The following EP400 variants were observed in gnomAD, a reference collection of about 807,000 sequenced individuals.
EP400 encodes E1A-binding protein p400.
Under a neutral mutation model 354.1 loss-of-function variants are expected in EP400, and 105 were observed. The ratio of observed to expected loss-of-function variants is 0.30; its 90% CI spans 0.25 to 0.35. EP400 has a LOEUF of 0.35. EP400 is among the 10% of genes least tolerant of loss of function. The probability of loss-of-function intolerance (pLI) is 1.00; values close to 1 mark genes in which losing one functional copy is unlikely to be tolerated. For missense variants in EP400, 3,280 were observed against 4,121.0 expected, an observed-to-expected ratio of 0.80 and a Z score of 5.59; for synonymous variants, 1,646 against 1,716.9, an observed-to-expected ratio of 0.96 and a Z score of 1.02.
intron 50 of EP400, chr12:132,068,593 G>C (rs1895973853): frequency 6.6e-6 from 1 of 152,392 alleles, no homozygotes; most frequent in Non-Finnish European, 1.5e-5. Flanking sequence ...GGAACCCAGA[G>C]GGAGAGGGAG....
At chr12:132,033,763 C>A (rs1279916092) in intron 30 of EP400, among the ~76,000 whole-genome samples, 2 of 152,084 alleles carry the variant, frequency 1.3e-5, no homozygotes, top group Non-Finnish European at 2.9e-5. Flanking sequence ...AACTCCTGGG[C>A]TCAAACAGTC....
chr12:131,979,820 C>A, intron 3 of EP400, 27 bp downstream of exon 3: 1 of 1,560,826 alleles, frequency 6.4e-7, no homozygotes, highest in South Asian at 1.2e-5. Context: ...AGCGTGGCCT[C>A]GGGAATGCCC....
At chr12:132,041,944 TTTTTTC>T (rs1894925532) in intron 32 of EP400, among the ~76,000 whole-genome samples, 1 of 148,832 alleles carries the variant, frequency 6.7e-6, no homozygotes, top group Admixed American at 6.6e-5. Context: ...CTATTTCTTT[TTTTTTC>T]TTTTTCTTTT....
intron 1 of EP400, among the ~76,000 whole-genome samples, chr12:131,954,308 C>T (rs1003315680): frequency 6.6e-6 from 1 of 150,592 alleles, no homozygotes; most frequent in African/African-American, 2.4e-5. Context: ...GGGGCCAGGC[C>T]AGGTGTGGTG....
intron 1 of EP400, 39 bp from the exon 2 acceptor site, chr12:131,960,546 T>G: frequency 6.7e-7 from 1 of 1,492,114 alleles, no homozygotes. Context: ...AACAGTTATG[T>G]GTGCCTTCAA....
At chr12:132,010,608 A>G (rs1410806641) in intron 15 of EP400, among the ~76,000 whole-genome samples, 1 of 152,196 alleles carries the variant, frequency 6.6e-6, no homozygotes, top group Non-Finnish European at 1.5e-5. Flanking sequence ...ATAGCACAGA[A>G]GTTGAAATTT....
At chr12:131,991,352 G>A (rs1319821288) in intron 9 of EP400, 55 bp from the exon 10 acceptor site, 20 of 1,588,182 alleles carry the variant, frequency 1.3e-5, no homozygotes, top group African/African-American at 5.4e-5. Context: ...AAGCAGAGAC[G>A]CCCTCGCCAA....
At chr12:131,952,933 G>A (rs532171047) in intron 1 of EP400, among the ~76,000 whole-genome samples, 2 of 152,186 alleles carry the variant, frequency 1.3e-5, no homozygotes, top group Non-Finnish European at 2.9e-5. Flanking sequence ...CATAGAGCTC[G>A]TTAAGAGTTC....
chr12:132,045,585 A>C, intron 38 of EP400, 25 bp downstream of exon 38: 2 of 1,612,512 alleles, frequency 1.2e-6, no homozygotes, highest in Non-Finnish European at 8.5e-7. Context: ...TCTTTGTGCC[A>C]GCGGTCATGT....
Position 132,067,318 on chromosome 12 carries a change from C to T in EP400, c.8750-44C>T, listed in dbSNP as rs1023786492. The T allele has an allele frequency of 6.3e-7, 1 of 1,596,248 alleles. No individual in the cohort carries two copies. The highest frequency in any genetic ancestry group is 8.6e-7 in the Non-Finnish European group (1 of 1,169,096). ...AACAGAGCTTGGCGTGAGCCTCAAGCTCTTTTCCCAGTGTGCTGACTAAGG... is the reference window on the plus strand; with the variant it reads ...AACAGAGCTTGGCGTGAGCCTCAAGTTCTTTTCCCAGTGTGCTGACTAAGG... On this transcript the variant is annotated intron_variant, in intron 49 of 52. Coordinates refer to ENST00000389561, the MANE Select transcript of EP400 (RefSeq NM_015409.5). This position sits in a 1 kb window ranked among gnomAD's most constrained non-coding sequence, Gnocchi z 5.3.
rs148513912 is a variant in EP400, at chr12:131,985,461, G to A, written c.1930-1053G>A. ...GCGCTCAGAGAGAGTGTGCTCTAGCGGTTCTGTCTCCCTTCAGCTTTTGAA... is the reference window on the plus strand; with the variant it reads ...GCGCTCAGAGAGAGTGTGCTCTAGCAGTTCTGTCTCCCTTCAGCTTTTGAA... On this transcript the variant is annotated intron_variant, in intron 5 of 52. Coordinates refer to ENST00000389561, the MANE Select transcript of EP400 (RefSeq NM_015409.5). Among the ~76,000 whole-genome samples the A allele has an allele frequency of 1.2e-4, 18 of 152,344 alleles. No individual in the cohort carries two copies. The East Asian group carries it at 3.5e-3, about 29-fold the overall frequency.
At chr12:132,044,639 G>A in intron 35 of EP400, 32 bp from the exon 36 acceptor site, 1 of 1,613,938 alleles carries the variant, frequency 6.2e-7, no homozygotes, top group Non-Finnish European at 8.5e-7. Context: ...CTGAGACTTG[G>A]TGGAAGTCAG....
At chr12:132,037,881 T>G in intron 31 of EP400, 72 bp from the exon 32 acceptor site, 2 of 1,612,378 alleles carry the variant, frequency 1.2e-6, no homozygotes, top group Non-Finnish European at 1.7e-6. Context: ...AGCAAGGGGC[T>G]TAGGTCTCCA....
rs747642543 is a variant in EP400, at chr12:131,991,474, AC to A, written c.2679+19del. ...GTTCTCTGGTAAGTTTGGGGTTGTT[AC>A]TGTGCTGTGTGAGAAGGAGTAGAAG... On this transcript the variant is annotated intron_variant, in intron 10 of 52. Transcript: ENST00000389561. 6.2e-7 allele frequency: 1 copy of A among 1,613,416 alleles called. No individual in the cohort carries two copies. The highest frequency in any genetic ancestry group is 8.5e-7 in the Non-Finnish European group (1 of 1,179,530).
chr12:131,990,593 C>A lies in EP400; in HGVS notation c.2551-43C>A. 7.0e-7 allele frequency: 1 copy of A among 1,426,190 alleles called. No individual in the cohort carries two copies. Among genetic ancestry groups the A allele is most frequent in the South Asian group, 1.2e-5 (1 of 83,088 alleles). 88.3% of individuals were successfully genotyped at this position (1,426,190 alleles called of 1,614,324 possible). ...TTGTATGCAGAACGTCTGTAATTCC[C>A]ATCCTTAGTAATGTGCTTATTCATT... On this transcript the variant is annotated intron_variant, in intron 8 of 52. Coordinates refer to ENST00000389561, the MANE Select transcript of EP400 (RefSeq NM_015409.5). This position sits in a 1 kb window ranked among gnomAD's most constrained non-coding sequence, Gnocchi z 4.2.
intron 12 of EP400, among the ~76,000 whole-genome samples, chr12:132,000,868 C>T (rs577097463): frequency 2.6e-5 from 4 of 152,338 alleles, no homozygotes; most frequent in Admixed American, 2.0e-4. Context: ...ATCTCTTGCT[C>T]TGTATTCAGA....
At chr12:132,008,901 T>G (rs1482923988) in intron 15 of EP400, among the ~76,000 whole-genome samples, 1 of 147,126 alleles carries the variant, frequency 6.8e-6, no homozygotes, top group Non-Finnish European at 1.5e-5. Flanking sequence ...ATTACAGGCG[T>G]GAGACACCGT....
rs375286330 is a variant in EP400 at position 131,992,671 on chromosome 12, G to T, written c.2737+441G>T. Among the ~76,000 whole-genome samples, 323 of 152,112 alleles carry T rather than the reference G, an allele frequency of 2.1e-3. 3 individuals are homozygous for T. The highest frequency in any genetic ancestry group is 7.4e-3 in the African/African-American group (307 of 41,508). ...CCTGAGCACTCAGTGTGTGAGCTGGGGACAGCCCACGGCCATGACCTATTT... is the reference window on the plus strand; with the variant it reads ...CCTGAGCACTCAGTGTGTGAGCTGGTGACAGCCCACGGCCATGACCTATTT... On this transcript the variant is annotated intron_variant, in intron 11 of 52. Transcript: ENST00000389561.
In EP400 at chr12:132,013,052, A is replaced by T; in HGVS notation, c.3485A>T (p.Tyr1162Phe). 1.2e-6 allele frequency: 2 copies of T among 1,613,890 alleles called. No homozygotes were observed. The highest frequency in any genetic ancestry group is 1.7e-6 in the Non-Finnish European group (2 of 1,180,004). ...AGCTTCCACGTCTGCATCACGTCCTACACTCAGTTCTTCCGGGGCCTCACC... is the reference window on the plus strand; with the variant it reads ...AGCTTCCACGTCTGCATCACGTCCTTCACTCAGTTCTTCCGGGGCCTCACC... ...PNSFHVCITS[Y>F]TQFFRGLTAF... Residue 1162 changes from tyrosine to phenylalanine, a missense_variant, in exon 17 of 53, where the codon TAC (tyrosine) becomes TTC (phenylalanine). Physicochemically the swap from Tyr to Phe is conservative, Grantham distance 22. Around this residue, in one of 20 missense-constraint regions of EP400, gnomAD observed 242 missense variants for 357.9 expected, o/e 0.68. Coordinates refer to ENST00000389561, the MANE Select transcript of EP400 (RefSeq NM_015409.5). The surrounding 1 kb of genome is among the most constrained non-coding windows in gnomAD (Gnocchi z 4.5).
Sources: gnomAD v4.1 joint callset for allele counts (sites outside exome capture counted in the v4.1 genomes callset) on GRCh38, gnomAD v4.1.1 for gene constraint, gnomAD v4.1.1 regional missense constraint, Gnocchi (gnomAD v3.1) non-coding constraint, MANE v1.5 for transcripts, NCBI Gene and HGNC (gene_info 2026-07-23, HGNC 2026-07-21) for gene names.